The following CHST11 variants were observed in gnomAD, a reference collection of about 807,000 sequenced individuals.
The protein encoded by CHST11 is carbohydrate sulfotransferase 11, also known as C4S-1.
CHST11 carries 9 observed loss-of-function variants against 30.4 expected under a neutral mutation model. The ratio of observed to expected loss-of-function variants is 0.30; its 90% CI spans 0.18 to 0.52. CHST11 has a LOEUF of 0.52. CHST11 is among the 20% of genes least tolerant of loss of function. The pLI, the probability that CHST11 is intolerant of heterozygous loss-of-function variation, is 0.97. For synonymous variants in CHST11, 152 were observed against 187.8 expected (o/e 0.81, Z 1.56); for missense variants, 348 against 460.6 (o/e 0.76, Z 2.24).
At chr12:104,711,825 A>G (rs1418948698) in intron 2 of CHST11, among the ~76,000 whole-genome samples, 4 of 152,222 alleles carry the variant, frequency 2.6e-5, no homozygotes, top group African/African-American at 9.7e-5. Context: ...GGATTTTACA[A>G]ACTTGCACTG....
chr12:104,722,011 C>T (rs888571397), intron 2 of CHST11, among the ~76,000 whole-genome samples: 3 of 151,982 alleles, frequency 2.0e-5, no homozygotes, highest in Non-Finnish European at 4.4e-5. Context: ...TTTTTTGAGA[C>T]AGGGTCTTGC....
chr12:104,537,109 G>A (rs2038244546), intron 1 of CHST11, among the ~76,000 whole-genome samples: 1 of 152,188 alleles, frequency 6.6e-6, no homozygotes, highest in African/African-American at 2.4e-5. Flanking sequence ...AACAAAAAGG[G>A]GTAGTTGCTG....
intron 2 of CHST11, among the ~76,000 whole-genome samples, chr12:104,733,785 G>A (rs2040275502): frequency 6.6e-6 from 1 of 152,218 alleles, no homozygotes; most frequent in Non-Finnish European, 1.5e-5. Flanking sequence ...TTGGTTGGCT[G>A]CACTGATCTT....
At chr12:104,479,259 C>G (rs2037594448) in intron 1 of CHST11, among the ~76,000 whole-genome samples, 2 of 152,012 alleles carry the variant, frequency 1.3e-5, no homozygotes, top group African/African-American at 4.8e-5. Flanking sequence ...CATGCTGTGT[C>G]TGTCTCCTCA....
intron 2 of CHST11, among the ~76,000 whole-genome samples, chr12:104,739,302 T>C (rs1020356724): frequency 2.0e-5 from 3 of 152,208 alleles, no homozygotes; most frequent in Non-Finnish European, 1.5e-5. Flanking sequence ...AAAATTCTAG[T>C]TGGGAAAGGT....
intron 2 of CHST11, among the ~76,000 whole-genome samples, chr12:104,686,045 T>C (rs1488794536): frequency 1.3e-5 from 2 of 151,872 alleles, no homozygotes; most frequent in Non-Finnish European, 2.9e-5. Flanking sequence ...TAGGCAGCCT[T>C]AGTGAGACCC....
At chr12:104,548,495 G>A (rs1173816336) in intron 1 of CHST11, among the ~76,000 whole-genome samples, 1 of 152,204 alleles carries the variant, frequency 6.6e-6, no homozygotes, top group Admixed American at 6.5e-5. Flanking sequence ...CAGGGAAAAA[G>A]AAAGGGAGAG....
At position 104,630,316 on chromosome 12, in the gene CHST11, G is replaced by A. The variant is rs148712984; in HGVS notation, c.204+28325G>A. On this transcript the variant is annotated intron_variant, in intron 2 of 2. Coordinates refer to ENST00000303694, the MANE Select transcript of CHST11 (RefSeq NM_018413.6). ...GGAAGTTGCTTAACTTCTGTGTGCC[G>A]CTGTCTGTAGAGTAATACCCACTTC... Among the ~76,000 whole-genome samples, 21 of 152,288 alleles carry A rather than the reference G, an allele frequency of 1.4e-4. No individual in the cohort carries two copies. In the East Asian group the frequency reaches 3.7e-3, roughly 27 times the overall value.
At chr12:104,612,027 C>T (rs1292232764) in intron 2 of CHST11, among the ~76,000 whole-genome samples, 1 of 152,218 alleles carries the variant, frequency 6.6e-6, no homozygotes, top group Admixed American at 6.5e-5. Flanking sequence ...AGCCCTGTTT[C>T]TCAATTCCTT....
At chr12:104,654,921 T>G (rs80201235) in intron 2 of CHST11, among the ~76,000 whole-genome samples, 4,509 of 134,206 alleles carry the variant, frequency 0.034, 244 homozygotes, top group African/African-American at 0.11. Context: ...CATAGCATCC[T>G]CATTATAATG....
intron 2 of CHST11, among the ~76,000 whole-genome samples, chr12:104,638,942 G>A (rs1483405390): frequency 3.9e-5 from 6 of 152,308 alleles, no homozygotes; most frequent in Admixed American, 6.5e-5. Context: ...CAAAAGCTGC[G>A]CATGTGGCTT....
At chr12:104,712,654 C>G (rs1339315699) in intron 2 of CHST11, among the ~76,000 whole-genome samples, 2 of 152,166 alleles carry the variant, frequency 1.3e-5, no homozygotes, top group African/African-American at 2.4e-5. Flanking sequence ...CTCAGAACTA[C>G]CAGCCGAGAG....
chr12:104,707,955 C>T (rs2033175), intron 2 of CHST11, among the ~76,000 whole-genome samples: 82,737 of 152,138 alleles, frequency 0.54, 24,013 homozygotes, highest in African/African-American at 0.75. Flanking sequence ...CAAACACATA[C>T]AGACTCATGC....
intron 1 of CHST11, among the ~76,000 whole-genome samples, chr12:104,567,218 G>A (rs1336118440): frequency 6.6e-6 from 1 of 152,100 alleles, no homozygotes; most frequent in African/African-American, 2.4e-5. Flanking sequence ...GTGTCAGATG[G>A]GCCACATCAC....
chr12:104,628,011 T>G (rs982760240), intron 2 of CHST11, among the ~76,000 whole-genome samples: 5 of 152,188 alleles, frequency 3.3e-5, no homozygotes, highest in African/African-American at 9.7e-5. Flanking sequence ...AGTTAATCAC[T>G]TTCCTAAGGT....
At chr12:104,700,615 G>T (rs774847055) in intron 2 of CHST11, among the ~76,000 whole-genome samples, 1 of 152,176 alleles carries the variant, frequency 6.6e-6, no homozygotes, top group Non-Finnish European at 1.5e-5. Context: ...GGTGACTAAT[G>T]TATGTAAAGC....
chr12:104,554,901 A>G (rs2038440439), intron 1 of CHST11, among the ~76,000 whole-genome samples: 1 of 152,122 alleles, frequency 6.6e-6, no homozygotes, highest in Non-Finnish European at 1.5e-5. Flanking sequence ...CCCATCCAGA[A>G]TGAGGAAAAA....
At chr12:104,514,675 T>G (rs2038004306) in intron 1 of CHST11, among the ~76,000 whole-genome samples, 1 of 152,012 alleles carries the variant, frequency 6.6e-6, no homozygotes, top group Non-Finnish European at 1.5e-5. Flanking sequence ...GCTTATCACA[T>G]GGTGAGGGAG....
intron 1 of CHST11, among the ~76,000 whole-genome samples, chr12:104,480,249 G>C (rs970947649): frequency 1.3e-5 from 2 of 151,840 alleles, no homozygotes; most frequent in Non-Finnish European, 2.9e-5. Context: ...AATGTGACTT[G>C]ACTTGGAAAT....
Sources: allele counts gnomAD v4.1 joint callset (sites outside exome capture counted in the v4.1 genomes callset), GRCh38; gene constraint gnomAD v4.1.1; transcripts MANE v1.5; gene names NCBI Gene and HGNC (gene_info 2026-07-23, HGNC 2026-07-21).